Variants in LRPPRC observed in about 807,000 individuals in gnomAD.
The protein encoded by LRPPRC is leucine rich pentatricopeptide repeat containing, also known as leucine-rich PPR motif-containing protein, mitochondrial.
A neutral mutation model predicts 180.3 loss-of-function variants in LRPPRC; 120 were observed. That is an observed-to-expected ratio of 0.67 (90% CI 0.57 to 0.77). The LOEUF is 0.77. Ranked by LOEUF, LRPPRC falls within the 30% of genes least tolerant of loss-of-function variation. LRPPRC has a pLI of 0.00. For missense variants in LRPPRC, 2,012 were observed against 1,657.2 expected (o/e 1.21, Z -3.72); for synonymous variants, 723 against 600.0 (o/e 1.21, Z -3.00).
intron 5 of LRPPRC, 55 bp downstream of exon 5, chr2:43,976,939 A>T (rs905317570): frequency 1.4e-6 from 2 of 1,394,354 alleles, no homozygotes; most frequent in African/African-American, 2.8e-5. Flanking sequence ...AACAGACATT[A>T]GATTTACAAA....
intron 23 of LRPPRC, among the ~76,000 whole-genome samples, chr2:43,939,931 T>C (rs879910552): frequency 6.6e-6 from 1 of 152,188 alleles, no homozygotes; most frequent in Non-Finnish European, 1.5e-5. Context: ...CCTGCTCTTT[T>C]GTTCAGAATA....
At chr2:43,958,579 T>C (rs17496618) in intron 13 of LRPPRC, among the ~76,000 whole-genome samples, 13,460 of 152,268 alleles carry the variant, frequency 0.088, 667 homozygotes, top group South Asian at 0.15. Context: ...TAAAATGACC[T>C]GCACTGAGTC....
intron 30 of LRPPRC, among the ~76,000 whole-genome samples, chr2:43,908,340 TGAAA>T: frequency 6.6e-6 from 1 of 152,252 alleles, no homozygotes; most frequent in African/African-American, 2.4e-5. Context: ...AAACTAAAAA[TGAAA>T]GAAAGATGGC....
At chr2:43,922,396 G>A (rs1366075926) in intron 27 of LRPPRC, among the ~76,000 whole-genome samples, 1 of 152,150 alleles carries the variant, frequency 6.6e-6, no homozygotes, top group Non-Finnish European at 1.5e-5. Context: ...TAAAATAAAC[G>A]AAGGAAAGTT....
intron 11 of LRPPRC, among the ~76,000 whole-genome samples, chr2:43,967,996 T>C (rs1673635618): frequency 6.6e-6 from 1 of 152,204 alleles, no homozygotes; most frequent in African/African-American, 2.4e-5. Context: ...GTTAATCTTA[T>C]GTCCTCAGTG....
At chr2:43,954,935 A>G (rs1211372222) in intron 14 of LRPPRC, among the ~76,000 whole-genome samples, 3 of 152,214 alleles carry the variant, frequency 2.0e-5, no homozygotes, top group Admixed American at 6.5e-5. Context: ...TTTTGTTTAA[A>G]CAAAACAAAG....
At chr2:43,918,776 A>AATATATATATATAG (rs1558937914) in intron 27 of LRPPRC, among the ~76,000 whole-genome samples, 16 of 144,238 alleles carry the variant, frequency 1.1e-4, no homozygotes, top group South Asian at 4.4e-4. Flanking sequence ...AGATCCTGGA[A>AATATATATATATAG]ATATATATAT....
intron 3 of LRPPRC, 65 bp downstream of exon 3, chr2:43,979,761 A>G: frequency 7.0e-6 from 10 of 1,422,120 alleles, no homozygotes; most frequent in South Asian, 5.9e-5. Flanking sequence ...GTAAACAAAC[A>G]CTTTTTTGCA....
At chr2:43,911,138 C>T (rs968334942) in intron 30 of LRPPRC, among the ~76,000 whole-genome samples, 5 of 119,784 alleles carry the variant, frequency 4.2e-5, no homozygotes, top group Non-Finnish European at 6.5e-5. Flanking sequence ...AAGGGTATAT[C>T]GAGTGTTCTA....
intron 1 of LRPPRC, among the ~76,000 whole-genome samples, chr2:43,985,408 CAT>C (rs769197372): frequency 7.9e-5 from 12 of 152,144 alleles, no homozygotes; most frequent in Admixed American, 2.6e-4. Flanking sequence ...TTTTGACAAA[CAT>C]ATGACATGTA....
At chr2:43,990,419 C>A (rs868300191) in intron 1 of LRPPRC, among the ~76,000 whole-genome samples, 21 of 152,268 alleles carry the variant, frequency 1.4e-4, no homozygotes, top group Admixed American at 1.3e-4. Context: ...GTTGTTCCAT[C>A]CCCACGTTCC....
chr2:43,941,151 T>C (rs1672466894), intron 23 of LRPPRC, among the ~76,000 whole-genome samples: 1 of 152,160 alleles, frequency 6.6e-6, no homozygotes, highest in Non-Finnish European at 1.5e-5. Flanking sequence ...TCTATACCCA[T>C]AAAGCTTTTT....
At chr2:43,893,707 A>G (rs7560946) in intron 36 of LRPPRC, among the ~76,000 whole-genome samples, 22,921 of 152,170 alleles carry the variant, frequency 0.15, 2,270 homozygotes, top group East Asian at 0.56. Context: ...GTCTGGAACC[A>G]TATCTTCCAG....
intron 1 of LRPPRC, among the ~76,000 whole-genome samples, chr2:43,987,470 G>A (rs758727590): frequency 3.3e-4 from 48 of 145,218 alleles, no homozygotes; most frequent in Non-Finnish European, 5.3e-4. Context: ...ACTCCAGGCC[G>A]GGCGACAGAG....
intron 27 of LRPPRC, among the ~76,000 whole-genome samples, chr2:43,922,436 C>G (rs1331506499): frequency 6.6e-6 from 1 of 152,142 alleles, no homozygotes; most frequent in Non-Finnish European, 1.5e-5. Context: ...AAAATAACTA[C>G]TAATCCAATC....
chr2:43,952,837 C>G (rs569080141), intron 14 of LRPPRC, among the ~76,000 whole-genome samples: 1 of 152,262 alleles, frequency 6.6e-6, no homozygotes, highest in Non-Finnish European at 1.5e-5. Context: ...TGTTTCCTGT[C>G]CCCCTATCTG....
At chr2:43,981,646 C>A (rs531421487) in intron 2 of LRPPRC, among the ~76,000 whole-genome samples, 1 of 151,056 alleles carries the variant, frequency 6.6e-6, no homozygotes, top group East Asian at 2.0e-4. Flanking sequence ...GGCGACAGAG[C>A]GATACTCCAT....
intron 36 of LRPPRC, among the ~76,000 whole-genome samples, chr2:43,891,007 C>G (rs1670471412): frequency 6.6e-6 from 1 of 152,216 alleles, no homozygotes; most frequent in Non-Finnish European, 1.5e-5. Context: ...CCAGGGGAAC[C>G]CCTAAGACAG....
At chr2:43,974,907 T>G in intron 7 of LRPPRC, 149 bp from the exon 8 acceptor site, 4 of 954,366 alleles carry the variant, frequency 4.2e-6, no homozygotes, top group Non-Finnish European at 6.5e-6. Flanking sequence ...ATACTCTACT[T>G]CAACAGTAAC....
Sources: gnomAD v4.1 joint callset for allele counts (sites outside exome capture counted in the v4.1 genomes callset) on GRCh38, gnomAD v4.1.1 for gene constraint, MANE v1.5 for transcripts, NCBI Gene and HGNC (gene_info 2026-07-23, HGNC 2026-07-21) for gene names.